Variants in SCAPER observed in about 807,000 individuals in gnomAD.
SCAPER encodes S-phase cyclin A associated protein in the ER.
In SCAPER, 98 loss-of-function variants were observed where a neutral mutation model predicts 182.2. The observed-to-expected ratio is 0.54, with a 90% CI of 0.46 to 0.64. The LOEUF (loss-of-function observed/expected upper bound fraction) is 0.64, where lower values mean the gene tolerates loss of function less well. Among genes scored for constraint, SCAPER ranks in the 30% least tolerant of loss-of-function variants. The probability of loss-of-function intolerance (pLI) is 0.00; values close to 1 mark genes in which losing one functional copy is unlikely to be tolerated. For missense variants in SCAPER, 1,432 were observed against 1,690.0 expected (o/e 0.85, Z 2.68); for synonymous variants, 605 against 564.6 (o/e 1.07, Z -1.01).
chr15:76,576,198 C>CA (rs1302448216), intron 22 of SCAPER, among the ~76,000 whole-genome samples: 6 of 152,134 alleles, frequency 3.9e-5, no homozygotes, highest in African/African-American at 1.4e-4. Context: ...CCAGTTTCTA[C>CA]AAAAAATAAG....
At chr15:76,456,018 C>T (rs879481292) in intron 25 of SCAPER, among the ~76,000 whole-genome samples, 12 of 152,126 alleles carry the variant, frequency 7.9e-5, no homozygotes, top group Non-Finnish European at 1.5e-4. Context: ...TTTATGGCTG[C>T]GTAGTATTCC....
chr15:76,650,855 TAAAGAC>T (rs899726084), intron 21 of SCAPER, among the ~76,000 whole-genome samples: 24 of 152,050 alleles, frequency 1.6e-4, no homozygotes, highest in Non-Finnish European at 2.9e-4. Context: ...AATCAACACT[TAAAGAC>T]AAAAAGATAT....
chr15:76,832,748 C>A (rs2068604313), intron 5 of SCAPER, among the ~76,000 whole-genome samples: 1 of 152,076 alleles, frequency 6.6e-6, no homozygotes, highest in African/African-American at 2.4e-5. Flanking sequence ...GTGTGTGGCA[C>A]CTCCCCCTCG....
chr15:76,789,902 G>A (rs570830199), intron 8 of SCAPER, among the ~76,000 whole-genome samples: 236 of 152,292 alleles, frequency 1.5e-3, no homozygotes, highest in Middle Eastern at 6.8e-3. Context: ...TTTTATCACT[G>A]TATTTAATTC....
intron 8 of SCAPER, among the ~76,000 whole-genome samples, chr15:76,788,869 G>A (rs1031161912): frequency 4.6e-5 from 7 of 151,808 alleles, no homozygotes; most frequent in Admixed American, 1.3e-4. Flanking sequence ...GACTGGTCTC[G>A]CTATGTTGCC....
intron 23 of SCAPER, among the ~76,000 whole-genome samples, chr15:76,540,692 G>GT (rs968430970): frequency 5.8e-4 from 88 of 150,634 alleles, no homozygotes; most frequent in Middle Eastern, 3.4e-3. Flanking sequence ...GTATTGTCTA[G>GT]TTTTTTTTTA....
intron 21 of SCAPER, among the ~76,000 whole-genome samples, chr15:76,650,032 T>C (rs919961681): frequency 6.6e-6 from 1 of 152,132 alleles, no homozygotes; most frequent in African/African-American, 2.4e-5. Flanking sequence ...GTAAAATGTA[T>C]GATAACAGTA....
chr15:76,426,005 A>C (rs1489690882), intron 26 of SCAPER, among the ~76,000 whole-genome samples: 1 of 152,146 alleles, frequency 6.6e-6, no homozygotes, highest in East Asian at 1.9e-4. Context: ...CGGCTGTGTG[A>C]GGTGTCAGTC....
intron 15 of SCAPER, among the ~76,000 whole-genome samples, chr15:76,752,988 A>G (rs2062187562): frequency 6.6e-6 from 1 of 151,848 alleles, no homozygotes; most frequent in Admixed American, 6.6e-5. Flanking sequence ...TGGTCAGAAT[A>G]TGGCACAACT....
chr15:76,558,154 C>G (rs985007131), intron 23 of SCAPER, among the ~76,000 whole-genome samples: 7 of 152,068 alleles, frequency 4.6e-5, no homozygotes, highest in African/African-American at 1.4e-4. Flanking sequence ...CAAATGGGAT[C>G]TAATTAAACT....
intron 23 of SCAPER, among the ~76,000 whole-genome samples, chr15:76,555,624 C>T (rs145878769): frequency 2.2e-4 from 34 of 152,064 alleles, no homozygotes; most frequent in Non-Finnish European, 4.6e-4. Context: ...AAAACAACAA[C>T]GATCAAAAAA....
chr15:76,714,924 A>G (rs2059805972), intron 17 of SCAPER, among the ~76,000 whole-genome samples: 1 of 152,062 alleles, frequency 6.6e-6, no homozygotes, highest in Non-Finnish European at 1.5e-5. Flanking sequence ...TAAAGGAGAA[A>G]TTTTATAGAA....
intron 22 of SCAPER, among the ~76,000 whole-genome samples, chr15:76,597,213 A>T (rs11857289): frequency 0.011 from 1,357 of 121,472 alleles, 162 homozygotes; most frequent in African/African-American, 0.032. Context: ...CAATTGCTAC[A>T]AAGAGAATAA....
At chr15:76,671,040 C>T (rs530270329) in intron 20 of SCAPER, among the ~76,000 whole-genome samples, 5 of 152,188 alleles carry the variant, frequency 3.3e-5, no homozygotes, top group African/African-American at 1.2e-4. Context: ...AAGTAATAGT[C>T]ATTAAAATCC....
chr15:76,795,260 G>C lies in SCAPER; in HGVS notation c.772+20C>G. On this transcript the variant is annotated intron_variant, in intron 8 of 31. Coordinates refer to ENST00000563290, the MANE Select transcript of SCAPER (RefSeq NM_020843.4). ...ATCCACCTGTTTACTACACAAAATG[G>C]CTAATTCGAAGTCACTTGCCATTTT... 1 of 1,599,158 alleles carries C rather than the reference G, an allele frequency of 6.3e-7. No homozygotes were observed. Among genetic ancestry groups the C allele is most frequent in the African/African-American group, 1.3e-5 (1 of 74,408 alleles).
At chr15:76,748,729 G>T (rs1367840900) in intron 15 of SCAPER, among the ~76,000 whole-genome samples, 1 of 151,038 alleles carries the variant, frequency 6.6e-6, no homozygotes, top group African/African-American at 2.4e-5. Flanking sequence ...TATACAAATG[G>T]CCAAAAAGTA....
intron 21 of SCAPER, among the ~76,000 whole-genome samples, chr15:76,660,373 T>C (rs1022728135): frequency 1.3e-5 from 2 of 152,132 alleles, no homozygotes; most frequent in African/African-American, 4.8e-5. Context: ...GCTGCCCAAA[T>C]ACCCCTGAAC....
chr15:76,614,228 A>T (rs2051253589), intron 22 of SCAPER, among the ~76,000 whole-genome samples: 1 of 152,154 alleles, frequency 6.6e-6, no homozygotes, highest in African/African-American at 2.4e-5. Flanking sequence ...GGGGAACAAC[A>T]TACCTTGGGG....
At position 76,391,647 on chromosome 15, in the gene SCAPER, G is replaced by A. The variant is rs534036213; in HGVS notation, c.3468-10032C>T. Among the ~76,000 whole-genome samples the A allele has an allele frequency of 6.6e-5, 10 of 152,274 alleles. No individual in the cohort carries two copies. The South Asian group carries it at 8.3e-4, about 13-fold the overall frequency. ...GAATAGGCCCAGGAAATGGGATTCC[G>A]ACATAGGCCAATGATCGTTCACTAG... On this transcript the variant is annotated intron_variant, in intron 27 of 31. Coordinates refer to ENST00000563290, the MANE Select transcript of SCAPER (RefSeq NM_020843.4).
Sources: allele counts gnomAD v4.1 joint callset (sites outside exome capture counted in the v4.1 genomes callset), GRCh38; gene constraint gnomAD v4.1.1; transcripts MANE v1.5; gene names NCBI Gene and HGNC (gene_info 2026-07-23, HGNC 2026-07-21).